SPTLC3: variants seen among roughly 807,000 people sequenced by gnomAD.
The protein encoded by SPTLC3 is serine palmitoyltransferase long chain base subunit 3.
Under a neutral mutation model 59.3 loss-of-function variants are expected in SPTLC3, and 36 were observed. The ratio of observed to expected loss-of-function variants is 0.61; its 90% CI spans 0.47 to 0.80. The LOEUF (loss-of-function observed/expected upper bound fraction) is 0.80. SPTLC3 is among the 30% of genes least tolerant of loss of function. The pLI, the probability that SPTLC3 is intolerant of heterozygous loss-of-function variation, is 0.00. For missense variants in SPTLC3, 625 were observed against 685.1 expected (o/e 0.91, Z 0.98); for synonymous variants, 257 against 240.8 (o/e 1.07, Z -0.62).
At chr20:13,069,712 G>A (rs243884) in intron 2 of SPTLC3, among the ~76,000 whole-genome samples, 62,150 of 151,932 alleles carry the variant, frequency 0.41, 12,821 homozygotes, top group Middle Eastern at 0.56. Context: ...CTCTGTGATT[G>A]TTGTGGCCCC....
intron 7 of SPTLC3, among the ~76,000 whole-genome samples, chr20:13,111,273 G>A (rs1990218542): frequency 6.6e-6 from 1 of 152,080 alleles, no homozygotes; most frequent in Admixed American, 6.6e-5. Context: ...ACCTCCTCCA[G>A]CCAGCCCAGA....
intron 3 of SPTLC3, among the ~76,000 whole-genome samples, chr20:13,072,909 C>T (rs1988499097): frequency 6.6e-6 from 1 of 152,134 alleles, no homozygotes; most frequent in Non-Finnish European, 1.5e-5. Context: ...TAGGGAAAAC[C>T]ATTTTTTGGT....
In SPTLC3 at chr20:13,013,444, A is replaced by T. The variant is rs1235916705; in HGVS notation, c.117+4060A>T. ...GTCAATATTCTCTCCAATTACTAGG[A>T]GAATTCATAAACTAAAAGTTTTGGA... On this transcript the variant is annotated intron_variant, in intron 1 of 11. Coordinates refer to ENST00000399002, the MANE Select transcript of SPTLC3 (RefSeq NM_018327.4). Among the ~76,000 whole-genome samples the T allele has an allele frequency of 2.0e-5, 3 of 152,320 alleles. No individual in the cohort carries two copies. The East Asian group carries it at 5.8e-4, about 29-fold the overall frequency.
intron 6 of SPTLC3, among the ~76,000 whole-genome samples, chr20:13,098,274 T>C (rs982093042): frequency 1.3e-5 from 2 of 152,200 alleles, no homozygotes; most frequent in African/African-American, 4.8e-5. Flanking sequence ...GACCATGATA[T>C]ATGCAACTTT....
At chr20:13,147,507 T>A (rs2038543293) in intron 9 of SPTLC3, among the ~76,000 whole-genome samples, 2 of 152,116 alleles carry the variant, frequency 1.3e-5, no homozygotes, top group South Asian at 4.1e-4. Flanking sequence ...TCTCTCCCCA[T>A]CACCCTCTGC....
At chr20:13,079,611 T>G (rs751526530) in intron 4 of SPTLC3, 6 of 268,268 alleles carry the variant, frequency 2.2e-5, no homozygotes, top group Non-Finnish European at 4.7e-5. Flanking sequence ...TGCACTTGTG[T>G]GTGTTCCCAG....
chr20:13,092,564 G>A (rs1279974462), intron 5 of SPTLC3, among the ~76,000 whole-genome samples: 2 of 152,178 alleles, frequency 1.3e-5, no homozygotes, highest in African/African-American at 4.8e-5. Context: ...TCTTGGATGT[G>A]ATCACTGAAT....
At chr20:13,071,965 C>A (rs147316631) in intron 2 of SPTLC3, among the ~76,000 whole-genome samples, 1 of 152,308 alleles carries the variant, frequency 6.6e-6, no homozygotes, top group African/African-American at 2.4e-5. Flanking sequence ...GACATAGACA[C>A]CTGTGTTACC....
At chr20:13,153,103 T>C (rs1334068612) in intron 9 of SPTLC3, among the ~76,000 whole-genome samples, 2 of 152,192 alleles carry the variant, frequency 1.3e-5, no homozygotes, top group Admixed American at 1.3e-4. Context: ...TGGGCTGATT[T>C]CTAGGGGACT....
chr20:13,020,672 C>T lies in SPTLC3; in HGVS notation c.117+11288C>T, dbSNP rs539603050. 4.6e-5 allele frequency among the ~76,000 whole-genome samples: 7 copies of T among 152,270 alleles called. No individual in the cohort carries two copies. In the South Asian group the frequency reaches 8.3e-4, roughly 18 times the overall value. On this transcript the variant is annotated intron_variant, in intron 1 of 11. Transcript: ENST00000399002. ...GAAAGATGTTTATGTGGTAGCTTTTCGCACTCCCGCACCCCTTAGGATGTC... is the reference window on the plus strand; with the variant it reads ...GAAAGATGTTTATGTGGTAGCTTTTTGCACTCCCGCACCCCTTAGGATGTC...
chr20:13,073,465 C>G (rs943742390), intron 3 of SPTLC3, among the ~76,000 whole-genome samples: 1 of 151,606 alleles, frequency 6.6e-6, no homozygotes, highest in Non-Finnish European at 1.5e-5. Flanking sequence ...GACCTAAGGC[C>G]CCTCCAGCAC....
intron 2 of SPTLC3, among the ~76,000 whole-genome samples, chr20:13,064,284 G>GT (rs60450737): frequency 0.2 from 26,491 of 130,856 alleles, 2,989 homozygotes; most frequent in African/African-American, 0.28. Context: ...TTTTTTTTTT[G>GT]TTTTGTTTTT....
chr20:13,072,063 T>A (rs911890767), intron 2 of SPTLC3, among the ~76,000 whole-genome samples, 193 bp from the exon 3 acceptor site: 2 of 152,188 alleles, frequency 1.3e-5, no homozygotes, highest in Admixed American at 6.5e-5. Flanking sequence ...TCATCACATG[T>A]TTTCATTCCC....
At chr20:13,031,764 T>A (rs4555414) in intron 1 of SPTLC3, among the ~76,000 whole-genome samples, 8,385 of 152,212 alleles carry the variant, frequency 0.055, 270 homozygotes, top group South Asian at 0.082. Flanking sequence ...TCACCTGAGA[T>A]GGAAAAAGAC....
At chr20:13,130,031 TC>T (rs2122817480) in intron 9 of SPTLC3, among the ~76,000 whole-genome samples, 1 of 152,238 alleles carries the variant, frequency 6.6e-6, no homozygotes, top group Admixed American at 6.5e-5. Context: ...CAGTTTATTT[TC>T]AAAGAAACAA....
At chr20:13,122,356 C>T (rs995407929) in intron 8 of SPTLC3, among the ~76,000 whole-genome samples, 2 of 152,142 alleles carry the variant, frequency 1.3e-5, no homozygotes, top group Non-Finnish European at 2.9e-5. Context: ...CCCACCTGCT[C>T]CAAAAAGAGG....
chr20:13,020,355 A>AAAAAG (rs3068311), intron 1 of SPTLC3, among the ~76,000 whole-genome samples: 83,366 of 148,978 alleles, frequency 0.56, 25,839 homozygotes, highest in South Asian at 0.71. Context: ...CTTAAAAAAA[A>AAAAAG]AAAAGAAAAA....
chr20:13,009,291 T>G lies in SPTLC3; in HGVS notation c.24T>G (p.Ala8=). 6.2e-7 allele frequency: 1 copy of G among 1,614,120 alleles called. No individual in the cohort carries two copies. The change falls in exon 1 of 12, where the codon GCT becomes GCG. Residue 8 remains alanine (A), a synonymous_variant. Coordinates refer to ENST00000399002, the MANE Select transcript of SPTLC3 (RefSeq NM_018327.4). MANPGGG[A]VCNGKLHNHK... ...CCATGGCTAACCCTGGAGGTGGTGC[T>G]GTTTGCAACGGGAAACTTCACAATC...
chr20:13,073,830 G>T, intron 3 of SPTLC3: 1 of 580,380 alleles, frequency 1.7e-6, no homozygotes, highest in East Asian at 4.3e-5. Flanking sequence ...CTCAGTTTGG[G>T]GAAAGTTCCT....
Sources: gnomAD v4.1 joint callset for allele counts (sites outside exome capture counted in the v4.1 genomes callset) on GRCh38, gnomAD v4.1.1 for gene constraint, MANE v1.5 for transcripts, NCBI Gene and HGNC (gene_info 2026-07-23, HGNC 2026-07-21) for gene names.